The following CES1 variants were observed in gnomAD, a reference collection of about 807,000 sequenced individuals.
The protein encoded by CES1 is liver carboxylesterase 1.
CES1 carries 50 observed loss-of-function variants against 53.0 expected under a neutral mutation model. The ratio of observed to expected loss-of-function variants is 0.94; its 90% CI spans 0.75 to 1.19. The LOEUF is 1.19. Ranked by LOEUF, CES1 falls within the 50% of genes most tolerant of loss-of-function variation. The pLI is 0.00. For synonymous variants in CES1, 202 were observed against 210.1 expected, an observed-to-expected ratio of 0.96 and a Z score of 0.33; for missense variants, 534 against 538.0, an observed-to-expected ratio of 0.99 and a Z score of 0.07.
At chr16:55,828,488 C>G (rs1351700154) in intron 2 of CES1, among the ~76,000 whole-genome samples, 1 of 152,204 alleles carries the variant, frequency 6.6e-6, no homozygotes, top group Non-Finnish European at 1.5e-5. Context: ...TCTTATCTGT[C>G]TCCCCCTGCT....
intron 7 of CES1, among the ~76,000 whole-genome samples, 182 bp downstream of exon 7, chr16:55,819,353 T>C (rs2032075424): frequency 6.6e-6 from 1 of 152,244 alleles, no homozygotes; most frequent in African/African-American, 2.4e-5. Flanking sequence ...ATGTTATTTT[T>C]TGACTTTCTT....
chr16:55,830,646 T>C (rs796706055), intron 1 of CES1, among the ~76,000 whole-genome samples: 3 of 150,712 alleles, frequency 2.0e-5, no homozygotes, highest in Non-Finnish European at 2.9e-5. Context: ...CTACTGAAAA[T>C]AGAAAAATTA....
chr16:55,819,735 T>C (rs1274147765), intron 6 of CES1, 96 bp from the exon 7 acceptor site: 8 of 1,045,132 alleles, frequency 7.7e-6, no homozygotes, highest in African/African-American at 4.8e-5. Flanking sequence ...CAACTTGTAC[T>C]AGTGGCAGGG....
intron 8 of CES1, among the ~76,000 whole-genome samples, chr16:55,815,557 T>C (rs2142324432): frequency 6.6e-6 from 1 of 152,314 alleles, no homozygotes; most frequent in South Asian, 2.1e-4. Flanking sequence ...CCTTGTTGTG[T>C]CAGAAAACTC....
chr16:55,818,817 A>T (rs535535653), intron 7 of CES1, among the ~76,000 whole-genome samples: 9 of 151,856 alleles, frequency 5.9e-5, no homozygotes, highest in African/African-American at 2.2e-4. Flanking sequence ...GAATGGATAC[A>T]TGAATAGATG....
intron 8 of CES1, among the ~76,000 whole-genome samples, chr16:55,815,097 C>T (rs1400280596): frequency 2.6e-5 from 4 of 152,186 alleles, no homozygotes; most frequent in East Asian, 1.9e-4. Context: ...CAGTGGGAAC[C>T]GCATGAGCAA....
intron 1 of CES1, among the ~76,000 whole-genome samples, chr16:55,830,818 G>GC (rs59008496): frequency 3.3e-3 from 489 of 150,022 alleles, no homozygotes; most frequent in Middle Eastern, 0.017. Flanking sequence ...AGGAAGGAAG[G>GC]AAGGCAGGCA....
At chr16:55,818,763 G>A (rs1181047192) in intron 7 of CES1, among the ~76,000 whole-genome samples, 2 of 151,864 alleles carry the variant, frequency 1.3e-5, no homozygotes, top group Admixed American at 6.6e-5. Context: ...TGGATCAATG[G>A]AGGGATGGAT....
At chr16:55,813,266 C>A (rs1306899734) in intron 8 of CES1, among the ~76,000 whole-genome samples, 1 of 152,202 alleles carries the variant, frequency 6.6e-6, no homozygotes, top group Non-Finnish European at 1.5e-5. Context: ...AGGAAGAAAT[C>A]TTCACTCATA....
intron 3 of CES1, among the ~76,000 whole-genome samples, chr16:55,824,296 G>T (rs1230992385): frequency 2.0e-5 from 3 of 152,300 alleles, no homozygotes; most frequent in South Asian, 2.1e-4. Flanking sequence ...CTTAGCATGT[G>T]CCAGGGACTC....
chr16:55,809,366 C>T (rs1195480557), intron 11 of CES1, among the ~76,000 whole-genome samples: 2 of 152,188 alleles, frequency 1.3e-5, no homozygotes, highest in South Asian at 2.1e-4. Context: ...GCTAGTTAAG[C>T]GTTAGCTAGT....
chr16:55,831,591 G>A (rs1363664052), intron 1 of CES1, among the ~76,000 whole-genome samples: 1 of 150,190 alleles, frequency 6.7e-6, no homozygotes. Context: ...TTACAGAGGA[G>A]GAAACTGAGG....
Position 55,821,394 on chromosome 16 carries a change from C to T in CES1, c.667G>A (p.Ala223Thr). ...PGSVTIFGESAGGESVSVLVL... is the reference protein window; with the variant it reads ...PGSVTIFGESTGGESVSVLVL... ...AGAACAGAGACACTTTCTCCTCCCG[C>T]TGACTCTCCAAAGATGGTCACAGAG... is the stretch of plus-strand genomic sequence containing the variant. Residue 223 changes from alanine (A) to threonine (T), a missense_variant, in exon 5 of 14, where the codon GCG becomes ACG. By Grantham distance (58) the Ala-to-Thr change is moderately conservative. Transcript: ENST00000360526. 1 of 1,614,220 alleles carries T rather than the reference C, an allele frequency of 6.2e-7. No individual in the cohort carries two copies. The highest frequency in any genetic ancestry group is 1.1e-5 in the South Asian group (1 of 91,086).
intron 4 of CES1, among the ~76,000 whole-genome samples, chr16:55,822,558 C>T (rs1488178756): frequency 1.3e-5 from 2 of 151,992 alleles, no homozygotes; most frequent in Non-Finnish European, 2.9e-5. Flanking sequence ...TCAACTTGTC[C>T]CTGGGAAGAG....
intron 8 of CES1, among the ~76,000 whole-genome samples, chr16:55,814,857 G>C (rs1195326094): frequency 3.3e-5 from 5 of 152,240 alleles, no homozygotes; most frequent in Non-Finnish European, 1.5e-5. Flanking sequence ...GACAAGATCA[G>C]ATCCTAATCC....
intron 7 of CES1, among the ~76,000 whole-genome samples, chr16:55,818,895 T>C (rs1433225963): frequency 4.6e-5 from 7 of 152,126 alleles, no homozygotes; most frequent in Admixed American, 4.6e-4. Context: ...GGAGTTGAGA[T>C]ATAAGGTGGC....
At chr16:55,832,314 T>C (rs71387105) in intron 1 of CES1, among the ~76,000 whole-genome samples, 12,624 of 152,032 alleles carry the variant, frequency 0.083, 141 homozygotes, top group Middle Eastern at 0.16. Context: ...GTTGAGAACA[T>C]GAGTAAGAAA....
intron 3 of CES1, among the ~76,000 whole-genome samples, chr16:55,824,072 T>C (rs567985657): frequency 6.6e-6 from 1 of 152,370 alleles, no homozygotes; most frequent in Non-Finnish European, 1.5e-5. Context: ...AGCCCTTGTA[T>C]CTCAGCTTCA....
intron 8 of CES1, 137 bp from the exon 9 acceptor site, chr16:55,813,180 A>G (rs757035279): frequency 4.1e-6 from 5 of 1,210,238 alleles, no homozygotes; most frequent in Middle Eastern, 2.2e-4. Context: ...TCAGGATCCT[A>G]ACTTAGGGGG....
Sources: gnomAD v4.1 joint callset for allele counts (sites outside exome capture counted in the v4.1 genomes callset) on GRCh38, gnomAD v4.1.1 for gene constraint, MANE v1.5 for transcripts, NCBI Gene and HGNC (gene_info 2026-07-23, HGNC 2026-07-21) for gene names.